RAB3GAP2: variants seen among roughly 807,000 people sequenced by gnomAD.
RAB3GAP2 encodes the protein rab3 GTPase-activating protein non-catalytic subunit.
A neutral mutation model predicts 185.3 loss-of-function variants in RAB3GAP2; 87 were observed. The observed-to-expected ratio is 0.47, with a 90% confidence interval of 0.39 to 0.56. RAB3GAP2 has a LOEUF of 0.56. RAB3GAP2 is among the 20% of genes least tolerant of loss of function. The pLI, the probability that RAB3GAP2 is intolerant of heterozygous loss-of-function variation, is 0.00. For synonymous variants in RAB3GAP2, 554 were observed against 576.1 expected (o/e 0.96, Z 0.55); for missense variants, 1,492 against 1,638.2 (o/e 0.91, Z 1.54).
At chr1:220,250,193 C>CA (rs1177128285) in intron 1 of RAB3GAP2, among the ~76,000 whole-genome samples, 2 of 152,176 alleles carry the variant, frequency 1.3e-5, no homozygotes, top group African/African-American at 4.8e-5. Context: ...TGCAAAGCCA[C>CA]AGGGGGGGAG....
At chr1:220,197,112 C>T (rs1009470238) in intron 9 of RAB3GAP2, among the ~76,000 whole-genome samples, 5 of 151,656 alleles carry the variant, frequency 3.3e-5, no homozygotes, top group African/African-American at 7.3e-5. Flanking sequence ...TCAGCCTCCC[C>T]GAATGGCTGG....
intron 31 of RAB3GAP2, among the ~76,000 whole-genome samples, chr1:220,154,897 T>C (rs1449824155): frequency 6.6e-6 from 1 of 152,094 alleles, no homozygotes; most frequent in East Asian, 1.9e-4. Flanking sequence ...AATTTTTTTG[T>C]ATTTTTAGTA....
Position 220,167,510 on chromosome 1 carries a change from G to A in RAB3GAP2, c.2972C>T (p.Ala991Val), listed in dbSNP as rs377291864. The A allele has an allele frequency of 9.3e-6, 15 of 1,613,884 alleles. No individual in the cohort carries two copies. The highest frequency in any genetic ancestry group is 1.7e-5 in the Admixed American group (1 of 59,990). Residue 991 changes from alanine to valine, a missense_variant, in exon 25 of 35, where the codon GCC (alanine) becomes GTC (valine). This residue lies in a region of RAB3GAP2 where 681 missense variants were observed against 689.1 expected (regional missense o/e 0.99). Coordinates refer to ENST00000358951, the MANE Select transcript of RAB3GAP2 (RefSeq NM_012414.4). ...CATTATTTGTGTATCACCTGGTATG[G>A]CTCCTAAGTCCATCTCCATCTCTGA... Reference protein sequence around the residue: ...EVSEMEMDLGAIPDLLHLAYE... With the variant: ...EVSEMEMDLGVIPDLLHLAYE...
At chr1:220,202,880 T>C (rs1571898575) in intron 8 of RAB3GAP2, among the ~76,000 whole-genome samples, 1 of 151,960 alleles carries the variant, frequency 6.6e-6, no homozygotes, top group Admixed American at 6.6e-5. Flanking sequence ...GAGGTGGAGG[T>C]TGCAGTAAGC....
chr1:220,189,930 G>A, intron 16 of RAB3GAP2, 134 bp downstream of exon 16: 2 of 1,044,864 alleles, frequency 1.9e-6, no homozygotes, highest in Non-Finnish European at 2.9e-6. Flanking sequence ...CCTCTAGATG[G>A]CACACTTCAG....
At chr1:220,153,594 A>G (rs1471707112) in intron 32 of RAB3GAP2, 188 bp from the exon 33 acceptor site, 6 of 409,848 alleles carry the variant, frequency 1.5e-5, no homozygotes, top group African/African-American at 8.3e-5. Flanking sequence ...TCTTTTTTAA[A>G]TATTATTATT....
chr1:220,259,251 C>T (rs1660090026), intron 1 of RAB3GAP2, among the ~76,000 whole-genome samples: 1 of 152,052 alleles, frequency 6.6e-6, no homozygotes. Flanking sequence ...TCATATGGAA[C>T]CAAATAAGAG....
At chr1:220,157,587 T>C (rs1351925123) in intron 30 of RAB3GAP2, 99 bp from the exon 31 acceptor site, 13 of 1,228,218 alleles carry the variant, frequency 1.1e-5, no homozygotes, top group Middle Eastern at 2.7e-4. Flanking sequence ...CAAATTCATA[T>C]TGCACACTGT....
chr1:220,157,955 A>G, intron 29 of RAB3GAP2, 79 bp from the exon 30 acceptor site: 1 of 1,085,250 alleles, frequency 9.2e-7, no homozygotes, highest in Non-Finnish European at 1.4e-6. Flanking sequence ...GAACCAGGAT[A>G]CAATACACTG....
chr1:220,267,908 T>C (rs1332324423), intron 1 of RAB3GAP2: 4 of 753,062 alleles, frequency 5.3e-6, no homozygotes, highest in East Asian at 2.5e-5. Context: ...TTTCTTCAGA[T>C]TGGTCCGTGA....
In RAB3GAP2 at chr1:220,163,744, C is replaced by CATACATATATAT. The variant is rs775527991; in HGVS notation, c.3154+988_3154+989insATATATATGTAT. Among the ~76,000 whole-genome samples the CATACATATATAT allele has an allele frequency of 9.6e-3, 1,179 of 122,822 alleles. 11 individuals carry two copies. The highest frequency in any genetic ancestry group is 0.029 in the East Asian group (113 of 3,852). The allele number at this position is 122,822 out of a possible 152,430, so 80.6% of individuals were successfully genotyped here. On this transcript the variant is annotated intron_variant, in intron 27 of 34. Transcript: ENST00000358951. Reference sequence around the variant, plus strand: ...GTCAAGGTAAATATATAAATACATACATATATATATATATATATATATATA... The same window carrying CATACATATATAT: ...GTCAAGGTAAATATATAAATACATACATACATATATATATATATATATATATATATATATATA...
intron 8 of RAB3GAP2, among the ~76,000 whole-genome samples, chr1:220,204,405 G>T (rs1387833144): frequency 2.0e-5 from 3 of 151,928 alleles, no homozygotes; most frequent in Non-Finnish European, 2.9e-5. Flanking sequence ...TATATCAAAA[G>T]GCAATTTTCC....
At chr1:220,156,470 A>G (rs1657860258) in intron 31 of RAB3GAP2, among the ~76,000 whole-genome samples, 1 of 152,208 alleles carries the variant, frequency 6.6e-6, no homozygotes, top group Non-Finnish European at 1.5e-5. Flanking sequence ...TAGAATATGT[A>G]AAAACATATT....
rs1434745126 is a variant in RAB3GAP2, at chr1:220,210,849, G to A, written c.462C>T (p.Thr154=). ...CTGAAGTAAAACCCACCACAATGCA[G>A]GTCCAGTCAGGACGCCCAGTGGAAC... The part of the protein sequence containing the change: ...KRSSTGRPDW[T]CIVVGFTSGY... The change falls in exon 6 of 35, where the codon ACC becomes ACT. Residue 154 remains threonine (T), a synonymous_variant. Transcript: ENST00000358951. 1 of 1,613,758 alleles carries A rather than the reference G, an allele frequency of 6.2e-7. No individual in the cohort carries two copies. The highest frequency in any genetic ancestry group is 1.1e-5 in the South Asian group (1 of 91,042).
chr1:220,213,243 G>A (rs1342638830), intron 3 of RAB3GAP2, among the ~76,000 whole-genome samples: 1 of 151,928 alleles, frequency 6.6e-6, no homozygotes, highest in Non-Finnish European at 1.5e-5. Flanking sequence ...TAACTCCTAT[G>A]CCCACCCTGC....
chr1:220,196,659 C>T lies in RAB3GAP2; in HGVS notation c.812-261G>A, dbSNP rs138829349. ...CAGCCTGGCCAACATGGTGAAACCC[C>T]GCCTCTACTAAATATACAAAAATTA... On this transcript the variant is annotated intron_variant, in intron 9 of 34. Coordinates refer to ENST00000358951, the MANE Select transcript of RAB3GAP2 (RefSeq NM_012414.4). 0.012 allele frequency among the ~76,000 whole-genome samples: 1,756 copies of T among 151,644 alleles called. 29 individuals carry two copies. The highest frequency in any genetic ancestry group is 0.039 in the African/African-American group (1,607 of 41,366).
intron 13 of RAB3GAP2, among the ~76,000 whole-genome samples, chr1:220,192,596 G>A (rs577056405): frequency 4.6e-5 from 7 of 152,314 alleles, no homozygotes; most frequent in Non-Finnish European, 1.0e-4. Context: ...AAGGGACTTC[G>A]GGGAATATCT....
At chr1:220,229,662 A>G (rs1455889292) in intron 2 of RAB3GAP2, among the ~76,000 whole-genome samples, 1 of 152,200 alleles carries the variant, frequency 6.6e-6, no homozygotes, top group Admixed American at 6.5e-5. Flanking sequence ...ACAAAAATCC[A>G]TTACAGAAAA....
In RAB3GAP2 at chr1:220,190,052, G is replaced by C. The variant is rs766539722; in HGVS notation, c.1714+12C>G. On this transcript the variant is annotated intron_variant, in intron 16 of 34. Transcript: ENST00000358951. ...ACAATATGCTTTATTATTTGTATGAGAGAATACCTACCAAGATTGGGAGAT... is the reference window on the plus strand; with the variant it reads ...ACAATATGCTTTATTATTTGTATGACAGAATACCTACCAAGATTGGGAGAT... The C allele has an allele frequency of 2.5e-6, 4 of 1,576,028 alleles. No homozygotes were observed. Among genetic ancestry groups the C allele is most frequent in the Non-Finnish European group, 2.6e-6 (3 of 1,145,626 alleles).
Sources: gnomAD v4.1 joint callset for allele counts (sites outside exome capture counted in the v4.1 genomes callset) on GRCh38, gnomAD v4.1.1 for gene constraint, gnomAD v4.1.1 regional missense constraint, MANE v1.5 for transcripts, NCBI Gene and HGNC (gene_info 2026-07-23, HGNC 2026-07-21) for gene names.